The following SCFD2 variants were observed in gnomAD, a reference collection of about 807,000 sequenced individuals.
SCFD2 encodes the protein sec1 family domain containing 2, also known as sec1 family domain-containing protein 2.
In SCFD2, 54 loss-of-function variants were observed where a neutral mutation model predicts 58.9. The ratio of observed to expected loss-of-function variants is 0.92; its 90% confidence interval spans 0.74 to 1.15. The LOEUF (loss-of-function observed/expected upper bound fraction) is 1.15. Ranked by LOEUF, SCFD2 falls within the 50% of genes most tolerant of loss-of-function variation. SCFD2 has a pLI of 0.00. For synonymous variants in SCFD2, 321 were observed against 335.9 expected (o/e 0.96, Z 0.49); for missense variants, 805 against 836.6 (o/e 0.96, Z 0.47).
chr4:52,983,020 A>T (rs142822601), intron 5 of SCFD2, among the ~76,000 whole-genome samples: 1 of 152,290 alleles, frequency 6.6e-6, no homozygotes, highest in East Asian at 1.9e-4. Context: ...TTGAGTTCCA[A>T]TGTGAACTAC....
chr4:52,991,887 G>A (rs183667144), intron 5 of SCFD2, among the ~76,000 whole-genome samples: 1 of 152,212 alleles, frequency 6.6e-6, no homozygotes, highest in Admixed American at 6.5e-5. Context: ...GAATGAGGTA[G>A]GGTAAAAACT....
chr4:53,301,349 G>C (rs1055969416), intron 3 of SCFD2, among the ~76,000 whole-genome samples: 98 of 152,234 alleles, frequency 6.4e-4, no homozygotes, highest in Non-Finnish European at 1.1e-3. Flanking sequence ...AGAAAATCTA[G>C]AAGAAATGGA....
intron 4 of SCFD2, among the ~76,000 whole-genome samples, chr4:53,212,536 AT>A (rs1288415605): frequency 1.3e-5 from 2 of 150,726 alleles, no homozygotes; most frequent in Non-Finnish European, 2.9e-5. Flanking sequence ...ACAATATAGT[AT>A]TAAGGAGATG....
At chr4:53,161,681 T>C (rs529005391) in intron 4 of SCFD2, among the ~76,000 whole-genome samples, 21 of 152,306 alleles carry the variant, frequency 1.4e-4, no homozygotes, top group African/African-American at 4.8e-4. Context: ...GAGCCGTAAG[T>C]TGCATGAAAC....
intron 4 of SCFD2, among the ~76,000 whole-genome samples, chr4:53,218,606 A>G (rs957063122): frequency 6.6e-6 from 1 of 152,172 alleles, no homozygotes; most frequent in Non-Finnish European, 1.5e-5. Flanking sequence ...TTTAGCTCAG[A>G]GAAGTTTGAT....
At chr4:53,171,032 T>C (rs1577799466) in intron 4 of SCFD2, among the ~76,000 whole-genome samples, 1 of 152,214 alleles carries the variant, frequency 6.6e-6, no homozygotes, top group Non-Finnish European at 1.5e-5. Flanking sequence ...TCTTCTCTAA[T>C]TGATCTGATA....
chr4:53,247,171 A>T (rs1730112455), intron 4 of SCFD2, among the ~76,000 whole-genome samples: 1 of 152,210 alleles, frequency 6.6e-6, no homozygotes, highest in Non-Finnish European at 1.5e-5. Context: ...AAAATCAGTG[A>T]TCATTAGAGA....
At chr4:53,145,865 GA>G (rs1489103035) in intron 4 of SCFD2, among the ~76,000 whole-genome samples, 1 of 150,766 alleles carries the variant, frequency 6.6e-6, no homozygotes, top group Non-Finnish European at 1.5e-5. Context: ...TAATTTTAAA[GA>G]AAAAAAAGTA....
chr4:53,191,070 G>C (rs1727877616), intron 4 of SCFD2, among the ~76,000 whole-genome samples: 1 of 152,140 alleles, frequency 6.6e-6, no homozygotes, highest in East Asian at 1.9e-4. Flanking sequence ...TTTGAGGGCA[G>C]AGTGCTGTGG....
At chr4:53,292,507 A>G (rs1381991226) in intron 3 of SCFD2, among the ~76,000 whole-genome samples, 1 of 152,332 alleles carries the variant, frequency 6.6e-6, no homozygotes, top group East Asian at 1.9e-4. Context: ...ATGAGATACA[A>G]TCTCATGCCA....
intron 4 of SCFD2, among the ~76,000 whole-genome samples, chr4:53,238,455 C>T (rs1418674882): frequency 5.0e-4 from 75 of 148,758 alleles, no homozygotes; most frequent in Admixed American, 2.1e-3. Context: ...AGGGGGCTGA[C>T]CCCCCCACCT....
intron 5 of SCFD2, among the ~76,000 whole-genome samples, chr4:52,976,120 A>C (rs1247873239): frequency 2.6e-5 from 4 of 152,104 alleles, no homozygotes; most frequent in African/African-American, 4.8e-5. Flanking sequence ...ACGTGTATGC[A>C]TATGTAACTA....
chr4:53,118,849 A>T (rs1725395921), intron 5 of SCFD2, among the ~76,000 whole-genome samples: 1 of 152,198 alleles, frequency 6.6e-6, no homozygotes, highest in Non-Finnish European at 1.5e-5. Context: ...TACGTAAAAA[A>T]AAAATAAAAT....
At chr4:53,050,857 G>C (rs1254179038) in intron 5 of SCFD2, among the ~76,000 whole-genome samples, 2 of 152,088 alleles carry the variant, frequency 1.3e-5, no homozygotes, top group Non-Finnish European at 2.9e-5. Flanking sequence ...GCCCCTTCTT[G>C]CTTCCTCTAA....
At chr4:53,308,390 T>C (rs1732581123) in intron 3 of SCFD2, among the ~76,000 whole-genome samples, 1 of 152,178 alleles carries the variant, frequency 6.6e-6, no homozygotes, top group Non-Finnish European at 1.5e-5. Context: ...ATATATCACA[T>C]GGTATGTTAG....
At chr4:53,060,760 T>C (rs1351851621) in intron 5 of SCFD2, among the ~76,000 whole-genome samples, 1 of 152,168 alleles carries the variant, frequency 6.6e-6, no homozygotes, top group African/African-American at 2.4e-5. Flanking sequence ...TAAAGATATG[T>C]GACTTTGTTA....
At chr4:53,355,461 C>A (rs1224332375) in intron 1 of SCFD2, among the ~76,000 whole-genome samples, 1 of 152,124 alleles carries the variant, frequency 6.6e-6, no homozygotes, top group African/African-American at 2.4e-5. Flanking sequence ...TGCCCAAGGA[C>A]TTTTGACTAG....
At chr4:53,113,241 G>C (rs191827633) in intron 5 of SCFD2, among the ~76,000 whole-genome samples, 1 of 152,126 alleles carries the variant, frequency 6.6e-6, no homozygotes, top group Non-Finnish European at 1.5e-5. Flanking sequence ...TTTCAGACAC[G>C]GTAGGACTGC....
intron 2 of SCFD2, among the ~76,000 whole-genome samples, chr4:53,338,575 C>CTTTCT (rs1733752478): frequency 1.4e-5 from 1 of 72,296 alleles, no homozygotes; most frequent in Non-Finnish European, 2.5e-5. Flanking sequence ...GTATATTTTT[C>CTTTCT]TTTTTTTTTT....
Sources: allele counts gnomAD v4.1 joint callset (sites outside exome capture counted in the v4.1 genomes callset), GRCh38; gene constraint gnomAD v4.1.1; transcripts MANE v1.5; gene names NCBI Gene and HGNC (gene_info 2026-07-23, HGNC 2026-07-21).